The following TNFSF4 variants were observed in gnomAD, a reference collection of about 807,000 sequenced individuals.
TNFSF4 encodes tumor necrosis factor ligand superfamily member 4.
In TNFSF4, 4 loss-of-function variants were observed where a neutral mutation model predicts 7.3. That is an observed-to-expected ratio of 0.55 (90% CI 0.27 to 1.25). TNFSF4 has a LOEUF of 1.25. Among genes scored for constraint, TNFSF4 ranks in the 50% most tolerant of loss-of-function variants. The pLI, the probability that TNFSF4 is intolerant of heterozygous loss-of-function variation, is 0.12. For synonymous variants in TNFSF4, 76 were observed against 83.7 expected (o/e 0.91, Z 0.50); for missense variants, 181 against 208.8 (o/e 0.87, Z 0.82).
the TNFSF4 span, among the ~76,000 whole-genome samples, chr1:173,344,450 T>C: frequency 6.6e-6 from 1 of 152,226 alleles, no homozygotes; most frequent in Non-Finnish European, 1.5e-5. Flanking sequence ...ATACTTTGTA[T>C]GGTTGGTAAT....
At chr1:173,255,305 G>A in the TNFSF4 span, among the ~76,000 whole-genome samples, 2 of 152,172 alleles carry the variant, frequency 1.3e-5, no homozygotes, top group Admixed American at 1.3e-4. Context: ...TTGGCAGGAC[G>A]ATTGGTGAAG....
At chr1:173,215,865 C>A in the TNFSF4 span, among the ~76,000 whole-genome samples, 19 of 152,256 alleles carry the variant, frequency 1.2e-4, no homozygotes, top group African/African-American at 3.4e-4. Flanking sequence ...TTAGCACTGT[C>A]TTACAAATAG....
the TNFSF4 span, among the ~76,000 whole-genome samples, chr1:173,329,203 C>A: frequency 4.6e-5 from 7 of 152,176 alleles, no homozygotes; most frequent in African/African-American, 1.7e-4. Context: ...GGACCTCCCA[C>A]TGATACCAGA....
the TNFSF4 span, among the ~76,000 whole-genome samples, chr1:173,324,475 C>T: frequency 6.6e-6 from 1 of 152,208 alleles, no homozygotes; most frequent in East Asian, 1.9e-4. Flanking sequence ...AAATAACCAG[C>T]GAACATCATA....
chr1:173,289,698 GAATT>G, the TNFSF4 span, among the ~76,000 whole-genome samples: 2 of 152,058 alleles, frequency 1.3e-5, no homozygotes, highest in Non-Finnish European at 2.9e-5. Context: ...ACGATTAAAA[GAATT>G]AATGGGAATT....
chr1:173,395,031 G>GATA, the TNFSF4 span, among the ~76,000 whole-genome samples: 1 of 60,696 alleles, frequency 1.6e-5, no homozygotes, highest in Admixed American at 1.9e-4. Context: ...TAGATAGATA[G>GATA]ATAGATGATA....
the TNFSF4 span, among the ~76,000 whole-genome samples, chr1:173,433,463 G>C: frequency 6.6e-6 from 1 of 152,074 alleles, no homozygotes; most frequent in Admixed American, 6.5e-5. Context: ...GGGATGCCAG[G>C]GTTGGTGGAA....
chr1:173,350,437 T>A, the TNFSF4 span, among the ~76,000 whole-genome samples: 1 of 152,272 alleles, frequency 6.6e-6, no homozygotes, highest in Middle Eastern at 3.4e-3. Flanking sequence ...GAGGCCTATA[T>A]CAGAACAAGG....
At chr1:173,279,618 A>C in the TNFSF4 span, among the ~76,000 whole-genome samples, 1 of 152,144 alleles carries the variant, frequency 6.6e-6, no homozygotes, top group South Asian at 2.1e-4. Context: ...AGTAGTAGAA[A>C]ACGTGGCACC....
chr1:173,288,749 G>C, the TNFSF4 span, among the ~76,000 whole-genome samples: 1 of 151,838 alleles, frequency 6.6e-6, no homozygotes, highest in African/African-American at 2.4e-5. Context: ...TAATTCATGG[G>C]TTAAAATAAA....
At chr1:173,245,983 T>G in the TNFSF4 span, among the ~76,000 whole-genome samples, 1 of 152,200 alleles carries the variant, frequency 6.6e-6, no homozygotes, top group South Asian at 2.1e-4. Context: ...TACCCATTCA[T>G]CCACCAATGG....
At chr1:173,249,555 G>A in the TNFSF4 span, among the ~76,000 whole-genome samples, 1 of 152,208 alleles carries the variant, frequency 6.6e-6, no homozygotes, top group African/African-American at 2.4e-5. Flanking sequence ...CACAGGGTGG[G>A]AGGACACAAG....
chr1:173,294,318 C>T, the TNFSF4 span, among the ~76,000 whole-genome samples: 2 of 151,922 alleles, frequency 1.3e-5, no homozygotes, highest in African/African-American at 4.8e-5. Context: ...TGGATGCAGC[C>T]AGAGGCTATC....
At chr1:173,278,780 T>G in the TNFSF4 span, among the ~76,000 whole-genome samples, 13 of 152,086 alleles carry the variant, frequency 8.5e-5, 1 homozygote, top group East Asian at 2.5e-3. Flanking sequence ...TCGAAATAAA[T>G]TGATATGATG....
At chr1:173,339,840 GA>G in the TNFSF4 span, among the ~76,000 whole-genome samples, 118 of 152,276 alleles carry the variant, frequency 7.7e-4, no homozygotes, top group Admixed American at 1.6e-3. Flanking sequence ...ATGTTTTAAG[GA>G]GATGTAGATA....
chr1:173,277,423 T>G, the TNFSF4 span, among the ~76,000 whole-genome samples: 1 of 152,120 alleles, frequency 6.6e-6, no homozygotes, highest in African/African-American at 2.4e-5. Context: ...ACCCCAATTT[T>G]GGGGGGATGC....
At chr1:173,394,516 A>G in the TNFSF4 span, among the ~76,000 whole-genome samples, 1 of 152,196 alleles carries the variant, frequency 6.6e-6, no homozygotes, top group Non-Finnish European at 1.5e-5. Flanking sequence ...GAGAGTATTT[A>G]TAGATGAGAT....
chr1:173,305,128 A>G, the TNFSF4 span, among the ~76,000 whole-genome samples: 1 of 151,942 alleles, frequency 6.6e-6, no homozygotes, highest in Non-Finnish European at 1.5e-5. Flanking sequence ...GACACCTAAG[A>G]GGCAGGGAGA....
the TNFSF4 span, among the ~76,000 whole-genome samples, chr1:173,321,183 CA>C: frequency 6.6e-6 from 1 of 152,196 alleles, no homozygotes; most frequent in Admixed American, 6.5e-5. Context: ...CACACATCTA[CA>C]AACATCTGAT....
Sources: gnomAD v4.1 joint callset for allele counts (sites outside exome capture counted in the v4.1 genomes callset) on GRCh38, gnomAD v4.1.1 for gene constraint, MANE v1.5 for transcripts, NCBI Gene and HGNC (gene_info 2026-07-23, HGNC 2026-07-21) for gene names.